The following VTI1A variants were observed in gnomAD, a reference collection of about 807,000 sequenced individuals.
VTI1A encodes vesicle transport through interaction with t-SNAREs homolog 1A.
A neutral mutation model predicts 34.9 loss-of-function variants in VTI1A; 22 were observed. The observed-to-expected ratio is 0.63, with a 90% CI of 0.45 to 0.90. The LOEUF (loss-of-function observed/expected upper bound fraction) is 0.90. VTI1A is among the 40% of genes least tolerant of loss of function. The pLI is 0.00. For missense variants in VTI1A, 268 were observed against 275.6 expected (o/e 0.97, Z 0.20); for synonymous variants, 87 against 97.3 (o/e 0.89, Z 0.62).
chr10:112,551,195 G>A (rs550692032), intron 5 of VTI1A, among the ~76,000 whole-genome samples: 14 of 130,662 alleles, frequency 1.1e-4, no homozygotes, highest in African/African-American at 4.1e-4. Flanking sequence ...CGTGAGCAGA[G>A]ATCGCGCCAC....
chr10:112,784,913 G>C (rs925229125), intron 7 of VTI1A, among the ~76,000 whole-genome samples: 6 of 152,170 alleles, frequency 3.9e-5, no homozygotes, highest in African/African-American at 1.2e-4. Context: ...ACGTATTTCT[G>C]CATAGCTGAA....
At chr10:112,722,227 T>C (rs2133941854) in intron 7 of VTI1A, among the ~76,000 whole-genome samples, 1 of 152,224 alleles carries the variant, frequency 6.6e-6, no homozygotes, top group East Asian at 1.9e-4. Flanking sequence ...CAACAAGGGA[T>C]CTATATTCAG....
At chr10:112,703,040 C>T (rs977233391) in intron 7 of VTI1A, among the ~76,000 whole-genome samples, 1 of 152,018 alleles carries the variant, frequency 6.6e-6, no homozygotes, top group African/African-American at 2.4e-5. Context: ...TTAATTCCAA[C>T]AACAAAGAAA....
At chr10:112,846,262 C>T in the VTI1A span, among the ~76,000 whole-genome samples, 2 of 152,192 alleles carry the variant, frequency 1.3e-5, no homozygotes, top group African/African-American at 4.8e-5. Context: ...TGCATTTCCC[C>T]TAAAAGGGGC....
chr10:112,546,373 C>A (rs1851128340), intron 5 of VTI1A, among the ~76,000 whole-genome samples: 1 of 151,910 alleles, frequency 6.6e-6, no homozygotes, highest in East Asian at 1.9e-4. Flanking sequence ...TAGAGACCAG[C>A]CTTGGCAACA....
At chr10:112,755,280 GA>G (rs1295730062) in intron 7 of VTI1A, among the ~76,000 whole-genome samples, 2 of 146,864 alleles carry the variant, frequency 1.4e-5, no homozygotes, top group Non-Finnish European at 1.5e-5. Context: ...AAGAAAGAAA[GA>G]AAAGTATGCT....
intron 4 of VTI1A, among the ~76,000 whole-genome samples, chr10:112,537,042 G>C (rs904684511): frequency 2.0e-5 from 3 of 151,876 alleles, no homozygotes; most frequent in African/African-American, 4.8e-5. Flanking sequence ...ATTAGAGCAA[G>C]GTAGATCGTT....
intron 3 of VTI1A, among the ~76,000 whole-genome samples, chr10:112,466,947 T>C (rs188154391): frequency 4.6e-5 from 7 of 152,314 alleles, no homozygotes; most frequent in Non-Finnish European, 4.4e-5. Context: ...CACGTTTCCA[T>C]GTCCCTATTT....
chr10:112,719,108 A>G (rs1849705732), intron 7 of VTI1A, among the ~76,000 whole-genome samples: 1 of 152,220 alleles, frequency 6.6e-6, no homozygotes, highest in Admixed American at 6.5e-5. Flanking sequence ...TTTATCTTTC[A>G]CGATGAAATA....
chr10:112,544,314 T>C (rs1850989949), intron 5 of VTI1A, among the ~76,000 whole-genome samples: 1 of 152,288 alleles, frequency 6.6e-6, no homozygotes, highest in Non-Finnish European at 1.5e-5. Context: ...CACTGCAATG[T>C]CCACCTCCTG....
At chr10:112,510,714 A>G (rs566166203) in intron 3 of VTI1A, among the ~76,000 whole-genome samples, 1 of 152,334 alleles carries the variant, frequency 6.6e-6, no homozygotes, top group South Asian at 2.1e-4. Context: ...CTTCATTGCC[A>G]AATAGTTTTA....
At chr10:112,615,168 A>G (rs1845469666) in intron 5 of VTI1A, among the ~76,000 whole-genome samples, 1 of 152,210 alleles carries the variant, frequency 6.6e-6, no homozygotes, top group African/African-American at 2.4e-5. Context: ...ACTTTCTGGA[A>G]GATATATATT....
chr10:112,473,044 C>T lies in VTI1A; in HGVS notation c.264+8387C>T, dbSNP rs537654689. Among the ~76,000 whole-genome samples, 41 of 150,014 alleles carry T rather than the reference C, an allele frequency of 2.7e-4. No individual in the cohort carries two copies. In the South Asian group the frequency reaches 8.4e-3, roughly 31 times the overall value. On this transcript the variant is annotated intron_variant, in intron 3 of 7. Transcript: ENST00000393077. ...GTTTGTTTTTTCCAATCTTCTCTCC[C>T]CTTCTCCCTTGCATAATTTATTGTT...
chr10:112,697,458 G>T (rs550907423), intron 7 of VTI1A, among the ~76,000 whole-genome samples: 2 of 146,318 alleles, frequency 1.4e-5, no homozygotes, highest in African/African-American at 5.1e-5. Flanking sequence ...GTACAATGGC[G>T]CTATCTCAGC....
At chr10:112,793,521 G>C (rs893237552) in intron 7 of VTI1A, among the ~76,000 whole-genome samples, 9 of 152,168 alleles carry the variant, frequency 5.9e-5, no homozygotes, top group Admixed American at 2.0e-4. Flanking sequence ...TCTATACTGG[G>C]AATATTCAAC....
rs144553138 is a variant in VTI1A at position 112,534,898 on chromosome 10, TG to T, written c.343-3347del. Among the ~76,000 whole-genome samples, 1,191 of 152,308 alleles carry T rather than the reference TG, an allele frequency of 7.8e-3. 14 individuals carry two copies. The highest frequency in any genetic ancestry group is 0.027 in the African/African-American group (1,115 of 41,570). On this transcript the variant is annotated intron_variant, in intron 4 of 7. Coordinates refer to ENST00000393077, the MANE Select transcript of VTI1A (RefSeq NM_145206.4). ...ATGTTAATGGAACTAACAATTGACT[TG>T]AAAACCTCTATACGAAGAAACTACG...
intron 4 of VTI1A, among the ~76,000 whole-genome samples, chr10:112,528,341 C>G (rs1371283269): frequency 6.6e-6 from 1 of 151,892 alleles, no homozygotes; most frequent in Non-Finnish European, 1.5e-5. Context: ...CACCCACCCC[C>G]AAAAAAGAGA....
chr10:112,520,709 ATAT>A (rs1046473146), intron 3 of VTI1A, among the ~76,000 whole-genome samples: 4 of 150,162 alleles, frequency 2.7e-5, no homozygotes, highest in Non-Finnish European at 5.9e-5. Flanking sequence ...TTCACATATG[ATAT>A]TATAGCTAAA....
At chr10:112,657,374 C>G (rs866153030) in intron 5 of VTI1A, among the ~76,000 whole-genome samples, 2 of 152,056 alleles carry the variant, frequency 1.3e-5, no homozygotes, top group South Asian at 4.2e-4. Context: ...TTTCTGTGTG[C>G]TCAGAAGAGT....
Sources: allele counts gnomAD v4.1 joint callset (sites outside exome capture counted in the v4.1 genomes callset), GRCh38; gene constraint gnomAD v4.1.1; transcripts MANE v1.5; gene names NCBI Gene and HGNC (gene_info 2026-07-23, HGNC 2026-07-21).